Variants in PPP2R1B observed in about 807,000 individuals in gnomAD.
PPP2R1B encodes the protein protein phosphatase 2 scaffold subunit Abeta, also known as serine/threonine-protein phosphatase 2A 65 kDa regulatory subunit A beta isoform.
Under a neutral mutation model 72.7 loss-of-function variants are expected in PPP2R1B, and 58 were observed. The observed-to-expected ratio is 0.80, with a 90% CI of 0.65 to 0.99. The LOEUF (loss-of-function observed/expected upper bound fraction) is 0.99. Among genes scored for constraint, PPP2R1B ranks in the 50% least tolerant of loss-of-function variants. The pLI is 0.00. For synonymous variants in PPP2R1B, 256 were observed against 264.6 expected, an observed-to-expected ratio of 0.97 and a Z score of 0.32; for missense variants, 695 against 733.6, an observed-to-expected ratio of 0.95 and a Z score of 0.61.
chr11:111,722,294 G>A (rs1224091046), downstream of PPP2R1B, among the ~76,000 whole-genome samples: 3 of 152,200 alleles, frequency 2.0e-5, no homozygotes, highest in Admixed American at 2.0e-4. The surrounding 1 kb of genome is among the most constrained non-coding windows in gnomAD (Gnocchi z 4.4). Flanking sequence ...CTATGTTGGT[G>A]CATAAAAATC....
downstream of PPP2R1B, among the ~76,000 whole-genome samples, chr11:111,736,350 G>A (rs1944341180): frequency 6.6e-6 from 1 of 152,216 alleles, no homozygotes; most frequent in African/African-American, 2.4e-5. Flanking sequence ...TTCATGGCAT[G>A]AGCAGCTGGC....
chr11:111,722,748 G>A (rs369020379), downstream of PPP2R1B: 3 of 1,614,044 alleles, frequency 1.9e-6, no homozygotes, highest in African/African-American at 1.3e-5. This position sits in a 1 kb window ranked among gnomAD's most constrained non-coding sequence, Gnocchi z 4.4. Context: ...AGCAGCTGCA[G>A]GAACATAGGT....
intron 11 of PPP2R1B, among the ~76,000 whole-genome samples, chr11:111,745,375 T>G (rs961712530): frequency 4.6e-5 from 7 of 152,124 alleles, no homozygotes; most frequent in Non-Finnish European, 8.8e-5. Context: ...TTTAACACGC[T>G]TTAGATTTTT....
At chr11:111,756,223 GAAA>G (rs201724599) in intron 5 of PPP2R1B, among the ~76,000 whole-genome samples, 1 of 142,154 alleles carries the variant, frequency 7.0e-6, no homozygotes, top group African/African-American at 2.6e-5. Flanking sequence ...AAACAAAAAG[GAAA>G]AAAAAAAAAA....
At chr11:111,704,609 G>C in the PPP2R1B span, among the ~76,000 whole-genome samples, 1 of 152,170 alleles carries the variant, frequency 6.6e-6, no homozygotes, top group African/African-American at 2.4e-5. Context: ...CATGGAATTA[G>C]AGCCTCGGGC....
chr11:111,698,606 G>A, the PPP2R1B span, among the ~76,000 whole-genome samples: 1 of 152,202 alleles, frequency 6.6e-6, no homozygotes, highest in African/African-American at 2.4e-5. Flanking sequence ...GCCTGGTGTG[G>A]TGGAGCACAC....
chr11:111,739,202 C>A lies in PPP2R1B; in HGVS notation c.*2394G>T. 2.0e-6 allele frequency: 2 copies of A among 979,732 alleles called. No homozygotes were observed. Among genetic ancestry groups the A allele is most frequent in the Non-Finnish European group, 2.4e-6 (2 of 824,856 alleles). 60.7% of individuals were successfully genotyped at this position (979,732 alleles called of 1,614,324 possible). On this transcript the variant is annotated 3_prime_UTR_variant, in exon 15 of 15. Transcript: ENST00000527614. Reference sequence around the variant, plus strand: ...CATTGAACACATTTTTATTGAGCACCTATTATGTGCACCAGACACTGTTCC... The same window carrying A: ...CATTGAACACATTTTTATTGAGCACATATTATGTGCACCAGACACTGTTCC...
intron 9 of PPP2R1B, 50 bp downstream of exon 9, chr11:111,753,393 A>C: frequency 6.3e-7 from 1 of 1,577,018 alleles, no homozygotes; most frequent in Admixed American, 2.0e-5. Context: ...ACCAAAATCA[A>C]ATAAAATCAA....
At chr11:111,760,005 G>C in intron 4 of PPP2R1B, 54 bp from the exon 5 acceptor site, 1 of 1,554,606 alleles carries the variant, frequency 6.4e-7, no homozygotes, top group Non-Finnish European at 8.8e-7. Context: ...GAATAAACCT[G>C]CCCCCCATAC....
At chr11:111,705,843 AAAG>A in the PPP2R1B span, among the ~76,000 whole-genome samples, 4 of 152,226 alleles carry the variant, frequency 2.6e-5, no homozygotes, top group Admixed American at 6.5e-5. The surrounding 1 kb of genome is among the most constrained non-coding windows in gnomAD (Gnocchi z 4.3). Context: ...CAGATAGAGA[AAAG>A]AAGAAATTTG....
At position 111,741,342 on chromosome 11, in the gene PPP2R1B, T is replaced by C. The variant is rs144907366; in HGVS notation, c.*254A>G. On this transcript the variant is annotated 3_prime_UTR_variant, in exon 15 of 15. Transcript: ENST00000527614. ...GCCCAGGTGGTGATGGATAAAGCAT[T>C]AGGAGACAATCAAGTGTCAGGAATT... The C allele has an allele frequency of 7.6e-7, 1 of 1,320,244 alleles. No individual in the cohort carries two copies. Among genetic ancestry groups the C allele is most frequent in the Non-Finnish European group, 9.7e-7 (1 of 1,034,988 alleles). The allele number at this position is 1,320,244 out of a possible 1,614,324, so 81.8% of individuals were successfully genotyped here.
At chr11:111,757,700 T>C (rs1945175380) in intron 5 of PPP2R1B, among the ~76,000 whole-genome samples, 1 of 151,978 alleles carries the variant, frequency 6.6e-6, no homozygotes. Context: ...CCAGTCATGG[T>C]GGCAGGCGCC....
chr11:111,702,325 C>CTG, the PPP2R1B span, among the ~76,000 whole-genome samples: 2 of 152,168 alleles, frequency 1.3e-5, no homozygotes, highest in Admixed American at 1.3e-4. Flanking sequence ...TGGTTTATAC[C>CTG]TGTAAGTCCA....
In PPP2R1B at chr11:111,738,303, G is replaced by T; in HGVS notation, c.*3293C>A. The T allele has an allele frequency of 1.0e-6, 1 of 985,498 alleles. No homozygotes were observed. Among genetic ancestry groups the T allele is most frequent in the Non-Finnish European group, 1.2e-6 (1 of 830,006 alleles). The allele number at this position is 985,498 out of a possible 1,614,324, so 61.0% of individuals were successfully genotyped here. A position where few individuals can be genotyped will look rare whatever the true frequency, so the allele number is the denominator to read the frequency against. ...AGTGTCACCATTTTTAAAAGTCAGAGGAATTTAAGTAAAAGGCAAGAGGAC... is the reference window on the plus strand; with the variant it reads ...AGTGTCACCATTTTTAAAAGTCAGATGAATTTAAGTAAAAGGCAAGAGGAC... On this transcript the variant is annotated 3_prime_UTR_variant, in exon 15 of 15. Coordinates refer to ENST00000527614, the MANE Select transcript of PPP2R1B (RefSeq NM_002716.5).
At chr11:111,701,792 G>A in the PPP2R1B span, among the ~76,000 whole-genome samples, 1 of 152,180 alleles carries the variant, frequency 6.6e-6, no homozygotes, top group African/African-American at 2.4e-5. The surrounding 1 kb of genome is among the most constrained non-coding windows in gnomAD (Gnocchi z 4.2). Flanking sequence ...CCCAGATTAA[G>A]AGCAGCATGT....
At chr11:111,765,166 TTC>T in intron 2 of PPP2R1B, 126 bp downstream of exon 2, 2 of 1,073,172 alleles carry the variant, frequency 1.9e-6, no homozygotes, top group South Asian at 3.1e-5. Flanking sequence ...ATATACTCTG[TTC>T]TGTTTCTTTT....
the PPP2R1B span, among the ~76,000 whole-genome samples, chr11:111,699,937 C>T: frequency 6.6e-6 from 1 of 152,182 alleles, no homozygotes; most frequent in South Asian, 2.1e-4. Flanking sequence ...CAATGCTGTG[C>T]TCCAGCTGGG....
In PPP2R1B at chr11:111,753,619, C is replaced by CCTTTATT. The variant is rs1555048694; in HGVS notation, c.1030-43_1030-42insAATAAAG. Reference sequence around the variant, plus strand: ...ATTAAAAGCCTTTATTACAAGACAACAGAAACTTCCATACCATTATTCTGG... The same window carrying CCTTTATT: ...ATTAAAAGCCTTTATTACAAGACAACCTTTATTAGAAACTTCCATACCATTATTCTGG... On this transcript the variant is annotated intron_variant, in intron 8 of 14. Coordinates refer to ENST00000527614, the MANE Select transcript of PPP2R1B (RefSeq NM_002716.5). The CCTTTATT allele has an allele frequency of 1.2e-5, 19 of 1,557,128 alleles. No homozygotes were observed. The South Asian group carries it at 2.1e-4, about 17-fold the overall frequency.
intron 3 of PPP2R1B, among the ~76,000 whole-genome samples, chr11:111,763,337 G>A (rs1303599635): frequency 7.9e-5 from 12 of 152,204 alleles, no homozygotes; most frequent in Non-Finnish European, 2.9e-5. Flanking sequence ...CTCTTCTCAT[G>A]CAGTACCACT....
Sources: allele counts gnomAD v4.1 joint callset (sites outside exome capture counted in the v4.1 genomes callset), GRCh38; gene constraint gnomAD v4.1.1; non-coding constraint Gnocchi (gnomAD v3.1); transcripts MANE v1.5; gene names NCBI Gene and HGNC (gene_info 2026-07-23, HGNC 2026-07-21).